Variants in INSC observed in about 807,000 individuals in gnomAD.
INSC encodes the protein protein inscuteable homolog.
Under a neutral mutation model 58.6 loss-of-function variants are expected in INSC, and 67 were observed. That is an observed-to-expected ratio of 1.14 (90% confidence interval 0.94 to 1.40). INSC has a LOEUF of 1.40. Among genes scored for constraint, INSC ranks in the 40% most tolerant of loss-of-function variants. The pLI is 0.00. For synonymous variants in INSC, 262 were observed against 276.1 expected, an observed-to-expected ratio of 0.95 and a Z score of 0.51; for missense variants, 714 against 692.0, an observed-to-expected ratio of 1.03 and a Z score of -0.36.
intron 5 of INSC, chr11:15,188,402 G>A (rs1850050096): frequency 1.0e-6 from 1 of 976,148 alleles, no homozygotes; most frequent in African/African-American, 1.8e-5. Flanking sequence ...CAAATTCAGA[G>A]GGGTCAGGGC....
At chr11:15,134,173 G>C (rs544806237) in intron 1 of INSC, among the ~76,000 whole-genome samples, 2 of 152,154 alleles carry the variant, frequency 1.3e-5, no homozygotes, top group South Asian at 4.2e-4. Context: ...CACTTAGAAG[G>C]GTTCTTGGCA....
In INSC at chr11:15,239,109, G is replaced by A. The variant is rs755691272; in HGVS notation, c.1393+35G>A. ...GCTTTCTGGCTGTGGCTGGAGTGGA[G>A]TGGGGGTATTGGGGGTGGGAGCAGC... On this transcript the variant is annotated intron_variant, in intron 11 of 12. Coordinates refer to ENST00000379556, the MANE Select transcript of INSC (RefSeq NM_001042536.3). 3 of 1,591,236 alleles carry A rather than the reference G, an allele frequency of 1.9e-6. No individual in the cohort carries two copies. In the Admixed American group the frequency reaches 5.1e-5, roughly 27 times the overall value.
chr11:15,164,140 CA>C, intron 2 of INSC, among the ~76,000 whole-genome samples: 1 of 122,422 alleles, frequency 8.2e-6, no homozygotes, highest in Non-Finnish European at 1.7e-5. Context: ...TTTAAGAGTA[CA>C]TTTTTTTTCT....
At position 15,238,910 on chromosome 11, in the gene INSC, C is replaced by T; in HGVS notation, c.1238-9C>T. The T allele has an allele frequency of 1.2e-6, 2 of 1,612,486 alleles. No homozygotes were observed. The highest frequency in any genetic ancestry group is 1.3e-5 in the African/African-American group (1 of 75,024). On this transcript the variant is annotated splice_polypyrimidine_tract_variant and intron_variant, in intron 10 of 12. Coordinates refer to ENST00000379556, the MANE Select transcript of INSC (RefSeq NM_001042536.3). ...GGTAGGTACCAACTGTTCCTTGCTT[C>T]CTGCCTAGGGGTCCAGCTTATCATG...
chr11:15,191,015 C>G (rs1444817023), intron 6 of INSC, among the ~76,000 whole-genome samples: 39 of 145,880 alleles, frequency 2.7e-4, no homozygotes, highest in African/African-American at 9.8e-4. Context: ...GAGTCTCACT[C>G]TGTCACCCAG....
intron 7 of INSC, among the ~76,000 whole-genome samples, chr11:15,208,235 C>T (rs932756238): frequency 2.0e-5 from 3 of 152,208 alleles, no homozygotes; most frequent in African/African-American, 4.8e-5. Flanking sequence ...CTTTGGCACT[C>T]AACCCATCTA....
chr11:15,256,039 A>C, the INSC span, among the ~76,000 whole-genome samples: 1 of 152,210 alleles, frequency 6.6e-6, no homozygotes, highest in African/African-American at 2.4e-5. Context: ...AAATAGACCC[A>C]GTTCTCACTT....
intron 7 of INSC, among the ~76,000 whole-genome samples, chr11:15,218,245 T>G (rs928970401): frequency 2.0e-5 from 3 of 152,210 alleles, no homozygotes; most frequent in Non-Finnish European, 4.4e-5. Flanking sequence ...AGAAGAGGTT[T>G]CATAAACAAA....
the INSC span, among the ~76,000 whole-genome samples, chr11:15,265,363 C>A: frequency 6.6e-6 from 1 of 151,898 alleles, no homozygotes. Flanking sequence ...ATATAAGTTT[C>A]TGGAATAATT....
chr11:15,191,429 C>T (rs1850173459), intron 6 of INSC, among the ~76,000 whole-genome samples: 1 of 152,070 alleles, frequency 6.6e-6, no homozygotes, highest in African/African-American at 2.4e-5. Context: ...ACATCCTTCC[C>T]TTCCTGGCAG....
intron 1 of INSC, among the ~76,000 whole-genome samples, chr11:15,148,590 A>G (rs985890923): frequency 1.3e-5 from 2 of 151,876 alleles, no homozygotes; most frequent in Admixed American, 1.3e-4. Context: ...GGGTGCAATT[A>G]CATCATCTGA....
chr11:15,240,650 T>C, intron 12 of INSC, 127 bp downstream of exon 12: 1 of 704,880 alleles, frequency 1.4e-6, no homozygotes, highest in Non-Finnish European at 2.5e-6. Flanking sequence ...TTAGCTTTTC[T>C]CTTTAGGATT....
chr11:15,264,548 G>A, the INSC span, among the ~76,000 whole-genome samples: 1 of 148,930 alleles, frequency 6.7e-6, no homozygotes, highest in Non-Finnish European at 1.5e-5. Context: ...GCCTCTCTCT[G>A]GTCCTCTATC....
the INSC span, among the ~76,000 whole-genome samples, chr11:15,265,852 A>G: frequency 8.0e-6 from 1 of 125,186 alleles, no homozygotes; most frequent in Non-Finnish European, 1.7e-5. Context: ...TTTACTTTTA[A>G]TCTTTCTGTA....
intron 1 of INSC, among the ~76,000 whole-genome samples, chr11:15,139,133 G>A (rs1848312483): frequency 6.6e-6 from 1 of 152,158 alleles, no homozygotes; most frequent in Admixed American, 6.5e-5. Context: ...CCTCCAACCT[G>A]GGTCCTCATA....
intron 5 of INSC, among the ~76,000 whole-genome samples, chr11:15,179,753 G>A (rs1849696485): frequency 6.6e-6 from 1 of 152,244 alleles, no homozygotes; most frequent in African/African-American, 2.4e-5. Flanking sequence ...TGCAGGGGCA[G>A]GTGGTGATCA....
intron 9 of INSC, among the ~76,000 whole-genome samples, chr11:15,230,002 TATATATATATAATATATATA>T (rs1851845956): frequency 1.1e-4 from 3 of 26,356 alleles, no homozygotes; most frequent in South Asian, 3.1e-3. Context: ...TATATATATA[TATATATATATAATATATATA>T]TATATATATA....
intron 9 of INSC, among the ~76,000 whole-genome samples, chr11:15,229,061 G>T (rs1739031594): frequency 6.6e-6 from 1 of 152,114 alleles, no homozygotes; most frequent in Non-Finnish European, 1.5e-5. Context: ...GGGGAGGTAG[G>T]AAACGGGCTG....
chr11:15,229,979 T>TAATATATATATATATATATA (rs1564917273), intron 9 of INSC, among the ~76,000 whole-genome samples: 1 of 32,992 alleles, frequency 3.0e-5, no homozygotes, highest in African/African-American at 1.2e-4. Context: ...TATATATATA[T>TAATATATATATATATATATA]TATATATATA....
Sources: gnomAD v4.1 joint callset for allele counts (sites outside exome capture counted in the v4.1 genomes callset) on GRCh38, gnomAD v4.1.1 for gene constraint, MANE v1.5 for transcripts, NCBI Gene and HGNC (gene_info 2026-07-23, HGNC 2026-07-21) for gene names.